Variants in FBXO38 observed in about 807,000 individuals in gnomAD.
FBXO38 encodes the protein F-box protein 38.
FBXO38 carries 53 observed loss-of-function variants against 131.9 expected under a neutral mutation model. The ratio of observed to expected loss-of-function variants is 0.40; its 90% CI spans 0.32 to 0.51. The LOEUF (loss-of-function observed/expected upper bound fraction) is 0.51, where lower values mean the gene tolerates loss of function less well. Among genes scored for constraint, FBXO38 ranks in the 20% least tolerant of loss-of-function variants. FBXO38 has a pLI of 0.53. For synonymous variants in FBXO38, 452 were observed against 505.6 expected, an observed-to-expected ratio of 0.89 and a Z score of 1.42; for missense variants, 1,076 against 1,475.6, an observed-to-expected ratio of 0.73 and a Z score of 4.44.
chr5:148,393,027 C>T (rs749760322), intron 1 of FBXO38, among the ~76,000 whole-genome samples: 10 of 151,992 alleles, frequency 6.6e-5, no homozygotes, highest in Non-Finnish European at 1.5e-4. Flanking sequence ...TTTATTTTTC[C>T]GGAGGCCTCT....
At chr5:148,425,318 A>T (rs1201533174) in intron 13 of FBXO38, among the ~76,000 whole-genome samples, 1 of 152,184 alleles carries the variant, frequency 6.6e-6, no homozygotes, top group African/African-American at 2.4e-5. Context: ...CATATTAATC[A>T]TATTTAATGT....
intron 2 of FBXO38, 145 bp from the exon 3 acceptor site, chr5:148,398,854 C>A (rs1237236776): frequency 1.1e-6 from 1 of 879,822 alleles, no homozygotes; most frequent in East Asian, 2.6e-5. Flanking sequence ...GCTGTATGAC[C>A]GTATGTGTGG....
chr5:148,426,662 C>G (rs1457972095), intron 14 of FBXO38, among the ~76,000 whole-genome samples: 1 of 152,204 alleles, frequency 6.6e-6, no homozygotes, highest in Non-Finnish European at 1.5e-5. Flanking sequence ...TTGAGCCTTA[C>G]TATGCCCCAG....
intron 1 of FBXO38, 82 bp from the exon 2 acceptor site, chr5:148,394,632 T>C: frequency 1.9e-6 from 1 of 515,518 alleles, no homozygotes; most frequent in Non-Finnish European, 3.2e-6. Flanking sequence ...TGCTTGTGTG[T>C]GTTTGAAAAT....
chr5:148,414,317 CT>C lies in FBXO38; in HGVS notation c.1264+13del, dbSNP rs1180666033. 1 of 1,570,000 alleles carries C rather than the reference CT, an allele frequency of 6.4e-7. No homozygotes were observed. The highest frequency in any genetic ancestry group is 1.9e-5 in the Admixed American group (1 of 52,704). ...ACAATTGGATCTCAGGTATTACAGA[CT>C]TAAAAATACAGCTATGTTTTATTGA... On this transcript the variant is annotated intron_variant, in intron 10 of 21. Coordinates refer to ENST00000340253, the MANE Select transcript of FBXO38 (RefSeq NM_205836.3).
At position 148,404,815 on chromosome 5, in the gene FBXO38, C is replaced by T; in HGVS notation, c.723C>T (p.Asn241=). 1.9e-6 allele frequency: 3 copies of T among 1,603,952 alleles called. No individual in the cohort carries two copies. The highest frequency in any genetic ancestry group is 8.5e-7 in the Non-Finnish European group (1 of 1,177,054). ...CISLRTFVMR[N]CAGPTNSLKY... ...GCTTAAGAACTTTCGTCATGAGGAA[C>T]TGTGCAGGTAATGGTACACAATTAT... is the stretch of plus-strand genomic sequence containing the variant. The change falls in exon 6 of 22, where the codon AAC becomes AAT. Residue 241 remains asparagine (N), a synonymous_variant. Coordinates refer to ENST00000340253, the MANE Select transcript of FBXO38 (RefSeq NM_205836.3).
chr5:148,393,179 CAG>C (rs1758290467), intron 1 of FBXO38, among the ~76,000 whole-genome samples: 1 of 116,032 alleles, frequency 8.6e-6, no homozygotes, highest in Non-Finnish European at 1.8e-5. Flanking sequence ...TTAGAAACAA[CAG>C]AAGAGGGGTG....
intron 12 of FBXO38, among the ~76,000 whole-genome samples, chr5:148,421,285 G>C (rs1351643299): frequency 6.6e-6 from 1 of 152,100 alleles, no homozygotes; most frequent in African/African-American, 2.4e-5. Context: ...TTTTTGAAAA[G>C]TACCCAGGTG....
intron 2 of FBXO38, among the ~76,000 whole-genome samples, chr5:148,396,809 G>A (rs563144121): frequency 3.9e-5 from 6 of 152,204 alleles, no homozygotes; most frequent in East Asian, 1.9e-4. Flanking sequence ...ATCTTGATTT[G>A]TTGGCTAGAT....
intron 1 of FBXO38, among the ~76,000 whole-genome samples, chr5:148,393,327 A>G (rs1758312038): frequency 6.6e-6 from 1 of 152,002 alleles, no homozygotes; most frequent in Non-Finnish European, 1.5e-5. Flanking sequence ...ACACACAGGC[A>G]GAAGAAATGA....
At position 148,442,059 on chromosome 5, in the gene FBXO38, TGAA is replaced by T; in HGVS notation, c.3484_3486del (p.Lys1162del). On this transcript the variant is annotated inframe_deletion, in exon 22 of 22. Transcript: ENST00000340253. ...GAGGAAATTTCAGAGATGCGTCAGA[TGAA>T]GAAGGGTGTATTTCAGCGAGTAGTG... 1 of 1,614,076 alleles carries T rather than the reference TGAA, an allele frequency of 6.2e-7. No homozygotes were observed. Among genetic ancestry groups the T allele is most frequent in the Non-Finnish European group, 8.5e-7 (1 of 1,179,940 alleles).
At chr5:148,421,995 T>C (rs888662012) in intron 12 of FBXO38, among the ~76,000 whole-genome samples, 3 of 152,160 alleles carry the variant, frequency 2.0e-5, no homozygotes, top group African/African-American at 7.2e-5. Flanking sequence ...ATCTCTCCAG[T>C]ATGCCTACAT....
intron 1 of FBXO38, among the ~76,000 whole-genome samples, chr5:148,387,357 T>A (rs1466158309): frequency 6.6e-6 from 1 of 152,174 alleles, no homozygotes; most frequent in Admixed American, 6.5e-5. Context: ...TTGCAGCAAT[T>A]CAGTCACATC....
Position 148,442,344 on chromosome 5 carries a change from C to A in FBXO38, c.*197C>A, listed in dbSNP as rs779477509. ...ATATACAAAGACGCTTCCTAAAGTA[C>A]CAACTTTATATCATATGTTTATACA... On this transcript the variant is annotated 3_prime_UTR_variant, in exon 22 of 22. Transcript: ENST00000340253. 2.5e-6 allele frequency: 1 copy of A among 406,700 alleles called. No homozygotes were observed. The highest frequency in any genetic ancestry group is 4.3e-6 in the Non-Finnish European group (1 of 230,406). 25.2% of individuals were successfully genotyped at this position (406,700 alleles called of 1,614,324 possible).
intron 17 of FBXO38, among the ~76,000 whole-genome samples, chr5:148,435,920 G>A (rs1398164720): frequency 2.0e-5 from 3 of 152,142 alleles, no homozygotes; most frequent in Non-Finnish European, 4.4e-5. Context: ...AGAGACAGGG[G>A]AACAGCCTGT....
At chr5:148,436,758 C>T (rs927584451) in intron 17 of FBXO38, among the ~76,000 whole-genome samples, 29 of 152,304 alleles carry the variant, frequency 1.9e-4, no homozygotes, top group African/African-American at 6.7e-4. Context: ...AAAGTTCAGA[C>T]CTTGGGGACC....
intron 6 of FBXO38, among the ~76,000 whole-genome samples, chr5:148,405,057 C>T (rs1752366204): frequency 2.0e-5 from 3 of 148,880 alleles, no homozygotes; most frequent in South Asian, 2.1e-4. Context: ...CTATTTTTTA[C>T]GGGTACTTTT....
At chr5:148,432,961 A>G (rs113981573) in intron 15 of FBXO38, among the ~76,000 whole-genome samples, 1 of 152,252 alleles carries the variant, frequency 6.6e-6, no homozygotes, top group Non-Finnish European at 1.5e-5. Flanking sequence ...AGCTAGAGCA[A>G]TTGATGACTT....
At chr5:148,394,687 G>T in intron 1 of FBXO38, 27 bp from the exon 2 acceptor site, 1 of 1,270,514 alleles carries the variant, frequency 7.9e-7, no homozygotes, top group Non-Finnish European at 1.0e-6. Context: ...TGTTTTTTTA[G>T]TCTACTTCGT....
Sources: allele counts gnomAD v4.1 joint callset (sites outside exome capture counted in the v4.1 genomes callset), GRCh38; gene constraint gnomAD v4.1.1; transcripts MANE v1.5; gene names NCBI Gene and HGNC (gene_info 2026-07-23, HGNC 2026-07-21).